ITK: variants seen among roughly 807,000 people sequenced by gnomAD.
ITK encodes the protein IL2 inducible T cell kinase.
ITK carries 45 observed loss-of-function variants against 87.6 expected under a neutral mutation model. That is an observed-to-expected ratio of 0.51 (90% confidence interval 0.40 to 0.66). The LOEUF (loss-of-function observed/expected upper bound fraction) is 0.66. Among genes scored for constraint, ITK ranks in the 30% least tolerant of loss-of-function variants. ITK has a pLI of 0.00. For missense variants in ITK, 605 were observed against 766.3 expected (o/e 0.79, Z 2.48); for synonymous variants, 303 against 273.6 (o/e 1.11, Z -1.06).
chr5:157,225,742 A>G (rs1754518518), intron 6 of ITK, among the ~76,000 whole-genome samples: 1 of 152,196 alleles, frequency 6.6e-6, no homozygotes, highest in Non-Finnish European at 1.5e-5. Flanking sequence ...AGCTAGTCAC[A>G]TCACCTTCTC....
chr5:157,212,620 A>G (rs1326914640), intron 3 of ITK, among the ~76,000 whole-genome samples: 1 of 152,220 alleles, frequency 6.6e-6, no homozygotes, highest in Non-Finnish European at 1.5e-5. Context: ...CAGGAGTTCA[A>G]GGCTACAGTG....
intron 2 of ITK, among the ~76,000 whole-genome samples, chr5:157,210,709 C>T (rs1397759748): frequency 8.5e-6 from 1 of 117,846 alleles, no homozygotes; most frequent in Non-Finnish European, 1.7e-5. Flanking sequence ...CCCACCCCAC[C>T]ACAGTCCCCA....
chr5:157,235,396 G>A (rs1201855898), intron 8 of ITK, among the ~76,000 whole-genome samples: 1 of 152,152 alleles, frequency 6.6e-6, no homozygotes, highest in Non-Finnish European at 1.5e-5. Flanking sequence ...CCTAGCTATG[G>A]AACGTGGTTT....
At chr5:157,226,013 G>A (rs894954330) in intron 6 of ITK, among the ~76,000 whole-genome samples, 5 of 152,152 alleles carry the variant, frequency 3.3e-5, no homozygotes, top group Non-Finnish European at 7.4e-5. Context: ...TCAGCATTAT[G>A]GGAATTTCCC....
rs565929466 is a variant in ITK at position 157,253,541 on chromosome 5, A to G, written c.*863A>G. The G allele has an allele frequency of 4.4e-6, 1 of 227,400 alleles. No homozygotes were observed. The highest frequency in any genetic ancestry group is 5.7e-5 in the Admixed American group (1 of 17,590). The allele number at this position is 227,400 out of a possible 1,614,324, so 14.1% of individuals were successfully genotyped here. ...GGTGACTATGCCTCCTCTTCTGCACAGAATGCTTCCACCAGCATCCTGAGA... is the reference window on the plus strand; with the variant it reads ...GGTGACTATGCCTCCTCTTCTGCACGGAATGCTTCCACCAGCATCCTGAGA... On this transcript the variant is annotated 3_prime_UTR_variant, in exon 17 of 17. Transcript: ENST00000422843.
rs1321033247 is a variant in ITK, at chr5:157,243,806, G to A, written c.1232+12G>A. Reference sequence around the variant, plus strand: ...GCTGAAGTAATGATGTGAGTGCTCAGAACAAGGATATGCAGAAACTCTGGG... The same window carrying A: ...GCTGAAGTAATGATGTGAGTGCTCAAAACAAGGATATGCAGAAACTCTGGG... On this transcript the variant is annotated intron_variant, in intron 12 of 16. Transcript: ENST00000422843. 1.2e-6 allele frequency: 2 copies of A among 1,612,666 alleles called. No individual in the cohort carries two copies. The highest frequency in any genetic ancestry group is 1.7e-6 in the Non-Finnish European group (2 of 1,178,846).
At chr5:157,201,801 C>A (rs577311960) in intron 1 of ITK, among the ~76,000 whole-genome samples, 1 of 150,348 alleles carries the variant, frequency 6.7e-6, no homozygotes, top group East Asian at 2.0e-4. Flanking sequence ...TAAACAAATT[C>A]ATCCATGTCA....
chr5:157,192,306 G>T (rs778847306), intron 1 of ITK, among the ~76,000 whole-genome samples: 14 of 152,154 alleles, frequency 9.2e-5, no homozygotes, highest in Non-Finnish European at 8.8e-5. Context: ...GGTCTGAAAG[G>T]TTCCCATGAA....
At chr5:157,218,246 T>C (rs980859888) in intron 5 of ITK, among the ~76,000 whole-genome samples, 2 of 152,192 alleles carry the variant, frequency 1.3e-5, no homozygotes, top group African/African-American at 4.8e-5. Flanking sequence ...GGCTCACGTC[T>C]GTAATCCCAG....
intron 7 of ITK, among the ~76,000 whole-genome samples, chr5:157,230,472 T>A (rs961506586): frequency 6.6e-6 from 1 of 152,220 alleles, no homozygotes; most frequent in Admixed American, 6.5e-5. Flanking sequence ...GAAATTCTAG[T>A]AGATTCTTTA....
intron 7 of ITK, among the ~76,000 whole-genome samples, chr5:157,228,802 A>C (rs1754588865): frequency 6.6e-6 from 1 of 151,950 alleles, no homozygotes; most frequent in African/African-American, 2.4e-5. Context: ...TAATTTGTAA[A>C]TTTTTTGTAG....
chr5:157,248,971 A>G lies in ITK; in HGVS notation c.1755A>G (p.Thr585=). The change falls in exon 16 of 17, where the codon ACA becomes ACG. Residue 585 remains threonine, a synonymous_variant. Transcript: ENST00000422843. ...FRLYKPRLAS[T]HVYQIMNHCW... The stretch of plus-strand genomic sequence containing the variant: ...TGTACAAGCCCCGGCTGGCCTCCAC[A>G]CACGTCTACCAGATTATGAATCACT... 1.9e-6 allele frequency: 3 copies of G among 1,613,940 alleles called. No individual in the cohort carries two copies. The highest frequency in any genetic ancestry group is 2.5e-6 in the Non-Finnish European group (3 of 1,179,844).
At chr5:157,237,162 G>A (rs1754793419) in intron 8 of ITK, among the ~76,000 whole-genome samples, 1 of 152,208 alleles carries the variant, frequency 6.6e-6, no homozygotes, top group Admixed American at 6.5e-5. Flanking sequence ...ATCAACAGTG[G>A]ACTGGATAAA....
intron 7 of ITK, among the ~76,000 whole-genome samples, chr5:157,228,869 C>T (rs920212728): frequency 6.6e-6 from 1 of 152,130 alleles, no homozygotes; most frequent in African/African-American, 2.4e-5. Flanking sequence ...CTCTAGTGAT[C>T]CTCCCATTAT....
intron 8 of ITK, among the ~76,000 whole-genome samples, chr5:157,236,885 C>T (rs563863306): frequency 1.1e-4 from 17 of 152,192 alleles, no homozygotes; most frequent in South Asian, 1.0e-3. Flanking sequence ...TTTTTCCTTC[C>T]GCCCTGCAGC....
rs2113776036 is a variant in ITK, at chr5:157,245,954, T to G, written c.1588T>G (p.Phe530Val). 6.2e-7 allele frequency: 1 copy of G among 1,614,194 alleles called. No homozygotes were observed. Among genetic ancestry groups the G allele is most frequent in the Non-Finnish European group, 8.5e-7 (1 of 1,180,014 alleles). ...GGTGAAGTGGGCATCCCCAGAGGTT[T>G]TCTCTTTCAGTCGCTATAGCAGCAA... ...FPVKWASPEV[F>V]SFSRYSSKSD... is the part of the protein sequence containing the mutation. Residue 530 changes from phenylalanine to valine, a missense_variant, in exon 15 of 17, where the codon TTC becomes GTC. By Grantham distance (50) the Phe-to-Val change is conservative (BLOSUM62 -1). Around this residue, in one of 3 missense-constraint regions of ITK, gnomAD observed 70 missense variants for 122.5 expected, o/e 0.57. Coordinates refer to ENST00000422843, the MANE Select transcript of ITK (RefSeq NM_005546.4).
intron 3 of ITK, chr5:157,213,649 T>C: frequency 2.3e-6 from 1 of 434,608 alleles, no homozygotes; most frequent in Non-Finnish European, 4.5e-6. Context: ...ACGAAAGTAC[T>C]GGGATTACAA....
At chr5:157,231,813 T>G (rs528926903) in intron 7 of ITK, among the ~76,000 whole-genome samples, 2 of 152,356 alleles carry the variant, frequency 1.3e-5, no homozygotes, top group African/African-American at 4.8e-5. Context: ...CTTGGCAGAA[T>G]GTCTGGAAGA....
chr5:157,240,011 T>C, intron 9 of ITK, 51 bp from the exon 10 acceptor site: 1 of 1,581,260 alleles, frequency 6.3e-7, no homozygotes, highest in South Asian at 1.1e-5. Flanking sequence ...CTTTTTTGTG[T>C]CTCAACATTG....
Sources: allele counts gnomAD v4.1 joint callset (sites outside exome capture counted in the v4.1 genomes callset), GRCh38; gene constraint gnomAD v4.1.1; regional missense constraint gnomAD v4.1.1; transcripts MANE v1.5; gene names NCBI Gene and HGNC (gene_info 2026-07-23, HGNC 2026-07-21).